The following ATIC variants were observed in gnomAD, a reference collection of about 807,000 sequenced individuals.
ATIC encodes the protein bifunctional purine biosynthesis protein ATIC.
Under a neutral mutation model 72.5 loss-of-function variants are expected in ATIC, and 64 were observed. That is an observed-to-expected ratio of 0.88 (90% CI 0.72 to 1.09). The LOEUF (loss-of-function observed/expected upper bound fraction) is 1.09. Ranked by LOEUF, ATIC falls within the 50% of genes least tolerant of loss-of-function variation. The pLI is 0.00. For missense variants in ATIC, 787 were observed against 732.4 expected (o/e 1.07, Z -0.86); for synonymous variants, 281 against 267.1 (o/e 1.05, Z -0.51).
At chr2:215,350,864 C>T (rs1468764135), downstream of ATIC, among the ~76,000 whole-genome samples, 1 of 152,104 alleles carries the variant, frequency 6.6e-6, no homozygotes, top group African/African-American at 2.4e-5. Context: ...ACCAATGAGT[C>T]CTACCCTCTT....
chr2:215,347,020 C>T, intron 14 of ATIC, 79 bp downstream of exon 14: 1 of 1,494,436 alleles, frequency 6.7e-7, no homozygotes, highest in South Asian at 1.2e-5. Context: ...TTAACTTCAT[C>T]ACCACACAGA....
Position 215,312,086 on chromosome 2 carries a change from C to T in ATIC, c.-57C>T. 5.2e-6 allele frequency: 8 copies of T among 1,529,682 alleles called. No individual in the cohort carries two copies. Among genetic ancestry groups the T allele is most frequent in the Non-Finnish European group, 7.0e-6 (8 of 1,144,362 alleles). The allele number at this position is 1,529,682 out of a possible 1,614,324, so 94.8% of individuals were successfully genotyped here. On this transcript the variant is annotated 5_prime_UTR_variant, in exon 1 of 16. Coordinates refer to ENST00000236959, the MANE Select transcript of ATIC (RefSeq NM_004044.7). ...CACATCCCGGCAGCCCTCCTACCTG[C>T]GCACGTGGTGCCGCCGCTGCTGCCT...
downstream of ATIC, among the ~76,000 whole-genome samples, chr2:215,352,458 T>G (rs547309457): frequency 1.3e-5 from 2 of 152,174 alleles, no homozygotes; most frequent in East Asian, 3.9e-4. Context: ...GGTGTCTGCC[T>G]GTAATTCCAC....
chr2:215,348,143 T>TA (rs1478839530), intron 14 of ATIC, among the ~76,000 whole-genome samples: 2 of 152,202 alleles, frequency 1.3e-5, no homozygotes, highest in Admixed American at 1.3e-4. Context: ...CTTATACTTC[T>TA]TAATACTGTT....
intron 2 of ATIC, among the ~76,000 whole-genome samples, chr2:215,313,253 A>G (rs1233528854): frequency 6.6e-6 from 1 of 152,220 alleles, no homozygotes; most frequent in East Asian, 1.9e-4. Flanking sequence ...ATGCAAGGAA[A>G]ACTTCAGTTA....
chr2:215,345,285 T>C, intron 13 of ATIC: 1 of 277,990 alleles, frequency 3.6e-6, no homozygotes. Context: ...TATGTTGTCT[T>C]ATCAAGAATC....
downstream of ATIC, among the ~76,000 whole-genome samples, chr2:215,352,165 T>G (rs2053135475): frequency 6.6e-6 from 1 of 152,188 alleles, no homozygotes; most frequent in African/African-American, 2.4e-5. Flanking sequence ...ATCTAAAGTG[T>G]TTAGTTAATA....
At chr2:215,361,285 T>G in the ATIC span, 1 of 407,934 alleles carries the variant, frequency 2.5e-6, no homozygotes, top group South Asian at 3.0e-5. Flanking sequence ...AAACCAAATC[T>G]TAGAATCACT....
At chr2:215,367,683 G>A in the ATIC span, 1 of 672,192 alleles carries the variant, frequency 1.5e-6, no homozygotes, top group Non-Finnish European at 2.6e-6. Flanking sequence ...TGTCCAACAA[G>A]TAAAATTTCC....
the ATIC span, among the ~76,000 whole-genome samples, chr2:215,357,643 A>C: frequency 3.9e-5 from 6 of 152,144 alleles, no homozygotes; most frequent in African/African-American, 1.4e-4. Context: ...TAATTTATAT[A>C]GGTTTCTGTT....
intron 14 of ATIC, among the ~76,000 whole-genome samples, chr2:215,347,826 C>T (rs933408830): frequency 6.6e-5 from 10 of 152,106 alleles, no homozygotes; most frequent in East Asian, 1.9e-4. Flanking sequence ...AAGATAGAAG[C>T]ACCTTGTAAA....
chr2:215,355,392 C>T, the ATIC span, among the ~76,000 whole-genome samples: 12 of 152,288 alleles, frequency 7.9e-5, no homozygotes, highest in South Asian at 6.2e-4. Context: ...AATGTAACAA[C>T]GTCCTGACCA....
In ATIC at chr2:215,322,774, A is replaced by G. The variant is rs113880666; in HGVS notation, c.291-2467A>G. Among the ~76,000 whole-genome samples the G allele has an allele frequency of 5.1e-3, 777 of 152,272 alleles. 6 individuals are homozygous for G. Among genetic ancestry groups the G allele is most frequent in the African/African-American group, 0.018 (742 of 41,554 alleles). ...GTGGCTGTCTAGTTGTCTCAGCATC[A>G]TTTGTTGAAAAGACTGTTCTTTGCC... On this transcript the variant is annotated intron_variant, in intron 4 of 15. Transcript: ENST00000236959.
chr2:215,326,800 A>G (rs2052831683), intron 6 of ATIC, 22 bp from the exon 7 acceptor site: 1 of 1,613,582 alleles, frequency 6.2e-7, no homozygotes, highest in Non-Finnish European at 8.5e-7. Flanking sequence ...CTCGTGTCTC[A>G]CAAAACTTAC....
At chr2:215,329,807 G>T (rs1257901469) in intron 7 of ATIC, among the ~76,000 whole-genome samples, 1 of 152,106 alleles carries the variant, frequency 6.6e-6, no homozygotes, top group African/African-American at 2.4e-5. Flanking sequence ...CTGTCGCCCA[G>T]GCTGGAGTGC....
chr2:215,312,265 G>T, intron 1 of ATIC, 104 bp downstream of exon 1: 8 of 1,453,212 alleles, frequency 5.5e-6, no homozygotes, highest in Non-Finnish European at 6.3e-6. Flanking sequence ...GGGCGGCGCT[G>T]CGGGATTGAA....
rs1265745473 is a variant in ATIC at position 215,312,170 on chromosome 2, C to G, written c.19+9C>G. 6.6e-7 allele frequency: 1 copy of G among 1,507,380 alleles called. No individual in the cohort carries two copies. Among genetic ancestry groups the G allele is most frequent in the Non-Finnish European group, 8.8e-7 (1 of 1,135,844 alleles). 93.4% of individuals were successfully genotyped at this position (1,507,380 alleles called of 1,614,324 possible). ...GGCTCCCGGCCAGCTCGGTGAGGCC[C>G]TAGCGGAGCGGCGCGGTCTGCGTCC... On this transcript the variant is annotated intron_variant, in intron 1 of 15. Transcript: ENST00000236959.
chr2:215,321,862 A>G (rs985060764), intron 4 of ATIC, among the ~76,000 whole-genome samples: 1 of 152,080 alleles, frequency 6.6e-6, no homozygotes, highest in African/African-American at 2.4e-5. Flanking sequence ...CTCTCATTCT[A>G]TGGATTGTGT....
chr2:215,337,154 T>G (rs1326170243), intron 11 of ATIC, among the ~76,000 whole-genome samples: 3 of 151,936 alleles, frequency 2.0e-5, no homozygotes, highest in African/African-American at 7.2e-5. Flanking sequence ...GGTCTAAGAT[T>G]ATGCATTGAT....
Sources: gnomAD v4.1 joint callset for allele counts (sites outside exome capture counted in the v4.1 genomes callset) on GRCh38, gnomAD v4.1.1 for gene constraint, MANE v1.5 for transcripts, NCBI Gene and HGNC (gene_info 2026-07-23, HGNC 2026-07-21) for gene names.